The following GPC6 variants were observed in gnomAD, a reference collection of about 807,000 sequenced individuals.
GPC6 encodes glypican-6.
In GPC6, 14 loss-of-function variants were observed where a neutral mutation model predicts 55.2. The observed-to-expected ratio is 0.25, with a 90% CI of 0.17 to 0.40. The LOEUF (loss-of-function observed/expected upper bound fraction) is 0.40, where lower values mean the gene tolerates loss of function less well. Among genes scored for constraint, GPC6 ranks in the 10% least tolerant of loss-of-function variants. The probability of loss-of-function intolerance (pLI) is 1.00; values close to 1 mark genes in which losing one functional copy is unlikely to be tolerated. For missense variants in GPC6, 641 were observed against 708.5 expected, an observed-to-expected ratio of 0.90 and a Z score of 1.08; for synonymous variants, 278 against 259.6, an observed-to-expected ratio of 1.07 and a Z score of -0.68.
At chr13:94,119,200 T>G (rs1725860150) in intron 4 of GPC6, among the ~76,000 whole-genome samples, 1 of 152,096 alleles carries the variant, frequency 6.6e-6, no homozygotes, top group Non-Finnish European at 1.5e-5. Flanking sequence ...CGTTGGTATC[T>G]AATGCACAAA....
intron 2 of GPC6, among the ~76,000 whole-genome samples, chr13:93,722,663 C>G (rs1302947834): frequency 1.3e-5 from 2 of 151,826 alleles, no homozygotes; most frequent in Non-Finnish European, 2.9e-5. Flanking sequence ...TAGCAAAGTA[C>G]TACAAACTGG....
intron 2 of GPC6, among the ~76,000 whole-genome samples, chr13:93,733,585 A>G (rs948868832): frequency 4.0e-5 from 6 of 151,868 alleles, no homozygotes; most frequent in African/African-American, 1.4e-4. Flanking sequence ...ATGTAAAAAA[A>G]AAAATCTGAG....
In GPC6 at chr13:94,175,967, G is replaced by T. The variant is rs1339737289; in HGVS notation, c.878-110382G>T. ...ATATATATATATATAGAGAGAGAGA[G>T]AGAGAGAGAGAGAGAGAGAGAGAGA... is the stretch of plus-strand genomic sequence containing the variant. On this transcript the variant is annotated intron_variant, in intron 4 of 8. Coordinates refer to ENST00000377047, the MANE Select transcript of GPC6 (RefSeq NM_005708.5). Among the ~76,000 whole-genome samples, 169 of 140,608 alleles carry T rather than the reference G, an allele frequency of 1.2e-3. 1 individual carries two copies. Among genetic ancestry groups the T allele is most frequent in the African/African-American group, 3.5e-3 (138 of 39,346 alleles). The allele number at this position is 140,608 out of a possible 152,430, so 92.2% of individuals were successfully genotyped here. A position where few individuals can be genotyped will look rare whatever the true frequency, so the allele number is the denominator to read the frequency against.
chr13:93,565,361 G>C (rs552770263), intron 2 of GPC6, among the ~76,000 whole-genome samples: 1 of 152,240 alleles, frequency 6.6e-6, no homozygotes, highest in Admixed American at 6.5e-5. Flanking sequence ...TGTGGGGTCT[G>C]GTTCATTGCT....
intron 2 of GPC6, among the ~76,000 whole-genome samples, chr13:93,815,818 T>C (rs542832983): frequency 5.6e-5 from 8 of 143,664 alleles, no homozygotes; most frequent in Admixed American, 1.5e-4. Flanking sequence ...AATGAAGACA[T>C]CTGTGATGCC....
At chr13:93,742,955 G>A (rs1456182976) in intron 2 of GPC6, among the ~76,000 whole-genome samples, 3 of 152,042 alleles carry the variant, frequency 2.0e-5, no homozygotes, top group Non-Finnish European at 4.4e-5. Context: ...TCTACACGGA[G>A]GGAGAAATTT....
intron 1 of GPC6, among the ~76,000 whole-genome samples, chr13:93,488,096 T>G (rs1879799515): frequency 1.3e-5 from 2 of 152,182 alleles, no homozygotes; most frequent in Non-Finnish European, 2.9e-5. Context: ...ATTAGGTATA[T>G]CGCCTAATGC....
intron 4 of GPC6, among the ~76,000 whole-genome samples, chr13:94,152,585 A>G (rs928853126): frequency 5.3e-5 from 8 of 152,118 alleles, no homozygotes; most frequent in African/African-American, 1.7e-4. Context: ...GTTAAGTGAG[A>G]TAAAGTATCC....
intron 4 of GPC6, among the ~76,000 whole-genome samples, chr13:94,257,291 C>G (rs1891535497): frequency 6.6e-6 from 1 of 152,164 alleles, no homozygotes; most frequent in African/African-American, 2.4e-5. Context: ...AGGCCCAAAG[C>G]ACACAGAACA....
intron 1 of GPC6, among the ~76,000 whole-genome samples, chr13:93,305,362 T>C (rs1476484497): frequency 1.3e-5 from 2 of 152,030 alleles, no homozygotes; most frequent in Non-Finnish European, 2.9e-5. Flanking sequence ...GCTCAGCACC[T>C]GATGGGTATC....
chr13:94,109,175 G>A (rs184410677), intron 4 of GPC6, among the ~76,000 whole-genome samples: 2 of 152,294 alleles, frequency 1.3e-5, no homozygotes, highest in East Asian at 1.9e-4. Context: ...AGCAGAGATC[G>A]TTTGCATAAA....
At chr13:93,455,284 C>G (rs1420052986) in intron 1 of GPC6, among the ~76,000 whole-genome samples, 3 of 152,194 alleles carry the variant, frequency 2.0e-5, no homozygotes, top group Non-Finnish European at 4.4e-5. Flanking sequence ...AAAGTGGGAG[C>G]CCGGGCAGAG....
chr13:93,969,597 T>G (rs1008513195), intron 3 of GPC6, among the ~76,000 whole-genome samples: 4 of 152,190 alleles, frequency 2.6e-5, no homozygotes, highest in Non-Finnish European at 4.4e-5. Context: ...ACTAAGACTT[T>G]TTTTTTTACA....
At chr13:93,781,880 A>G (rs1463779191) in intron 2 of GPC6, among the ~76,000 whole-genome samples, 1 of 152,192 alleles carries the variant, frequency 6.6e-6, no homozygotes, top group African/African-American at 2.4e-5. Context: ...TGATATATGT[A>G]TACATTGGAG....
At chr13:93,573,909 T>C (rs1211681567) in intron 2 of GPC6, among the ~76,000 whole-genome samples, 1 of 152,192 alleles carries the variant, frequency 6.6e-6, no homozygotes, top group Non-Finnish European at 1.5e-5. Context: ...ATCCATTGTC[T>C]TTAGGAGATC....
intron 4 of GPC6, among the ~76,000 whole-genome samples, chr13:94,073,165 G>T (rs1211249927): frequency 6.6e-6 from 1 of 152,162 alleles, no homozygotes; most frequent in Non-Finnish European, 1.5e-5. Flanking sequence ...AAGAGTGCCA[G>T]CCCTGCACTA....
intron 2 of GPC6, among the ~76,000 whole-genome samples, chr13:93,828,611 C>A (rs1457836544): frequency 1.3e-5 from 2 of 152,014 alleles, no homozygotes; most frequent in Admixed American, 1.3e-4. Flanking sequence ...CTTTATTTTA[C>A]ATTTAGTAAA....
At chr13:94,344,861 A>G (rs1347925555) in intron 6 of GPC6, among the ~76,000 whole-genome samples, 1 of 152,232 alleles carries the variant, frequency 6.6e-6, no homozygotes, top group Non-Finnish European at 1.5e-5. Flanking sequence ...TATTCAATAT[A>G]TTCTGGATTA....
chr13:93,598,098 C>T (rs1052259021), intron 2 of GPC6, among the ~76,000 whole-genome samples: 23 of 152,154 alleles, frequency 1.5e-4, no homozygotes, highest in African/African-American at 4.3e-4. Flanking sequence ...GAGCTGAGAT[C>T]GTGCCACTGC....
Sources: gnomAD v4.1 joint callset for allele counts (sites outside exome capture counted in the v4.1 genomes callset) on GRCh38, gnomAD v4.1.1 for gene constraint, MANE v1.5 for transcripts, NCBI Gene and HGNC (gene_info 2026-07-23, HGNC 2026-07-21) for gene names.